Variants in THSD4 observed in about 807,000 individuals in gnomAD.
THSD4 encodes thrombospondin type-1 domain-containing protein 4.
Under a neutral mutation model 119.0 loss-of-function variants are expected in THSD4, and 69 were observed. The ratio of observed to expected loss-of-function variants is 0.58; its 90% CI spans 0.48 to 0.71. The LOEUF is 0.71. Among genes scored for constraint, THSD4 ranks in the 30% least tolerant of loss-of-function variants. The pLI is 0.00. For missense variants in THSD4, 1,393 were observed against 1,391.1 expected, an observed-to-expected ratio of 1.00 and a Z score of -0.02; for synonymous variants, 524 against 540.4, an observed-to-expected ratio of 0.97 and a Z score of 0.42.
At chr15:71,540,807 C>G (rs1190777464) in intron 7 of THSD4, among the ~76,000 whole-genome samples, 8 of 146,306 alleles carry the variant, frequency 5.5e-5, no homozygotes, top group Non-Finnish European at 1.0e-4. Context: ...ACTGCAACCT[C>G]TAACTCCTGG....
intron 7 of THSD4, among the ~76,000 whole-genome samples, chr15:71,520,684 C>T (rs1185965902): frequency 6.6e-6 from 1 of 152,170 alleles, no homozygotes; most frequent in Non-Finnish European, 1.5e-5. Flanking sequence ...ATATAGTATT[C>T]CTTCAATAAA....
intron 7 of THSD4, among the ~76,000 whole-genome samples, chr15:71,560,333 T>C (rs566566881): frequency 5.3e-4 from 80 of 152,342 alleles, no homozygotes; most frequent in African/African-American, 1.9e-3. Flanking sequence ...CAACCATGTA[T>C]TGAGTGCTAT....
At chr15:71,588,684 T>C (rs2049738732) in intron 7 of THSD4, among the ~76,000 whole-genome samples, 1 of 152,170 alleles carries the variant, frequency 6.6e-6, no homozygotes. Context: ...TCCACCCACC[T>C]TGGCCTTCCA....
chr15:71,265,616 C>T (rs2044455989), intron 6 of THSD4, among the ~76,000 whole-genome samples: 1 of 152,074 alleles, frequency 6.6e-6, no homozygotes, highest in African/African-American at 2.4e-5. Context: ...ACTGTTCACT[C>T]CCCTGGAAAG....
intron 7 of THSD4, among the ~76,000 whole-genome samples, chr15:71,469,924 A>G (rs1281979513): frequency 6.6e-6 from 1 of 152,234 alleles, no homozygotes; most frequent in South Asian, 2.1e-4. Context: ...AGGAATTCAT[A>G]CAATATAAAT....
intron 6 of THSD4, among the ~76,000 whole-genome samples, chr15:71,270,847 A>G (rs1353550237): frequency 2.2e-5 from 3 of 138,238 alleles, no homozygotes; most frequent in African/African-American, 5.4e-5. Context: ...TTTTTTTTTA[A>G]TGGCCATGTA....
At chr15:71,263,941 A>G (rs2140297046) in intron 6 of THSD4, among the ~76,000 whole-genome samples, 1 of 152,334 alleles carries the variant, frequency 6.6e-6, no homozygotes, top group Non-Finnish European at 1.5e-5. Flanking sequence ...TGTTTGCAAG[A>G]ATAGTAGATG....
chr15:71,728,400 G>T (rs1261099746), intron 8 of THSD4, 149 bp from the exon 9 acceptor site: 3 of 901,194 alleles, frequency 3.3e-6, no homozygotes, highest in Non-Finnish European at 5.0e-6. Flanking sequence ...GATGCCTAAT[G>T]GCGCCCCAGG....
chr15:71,105,051 C>T (rs1045129689), intron 1 of THSD4, among the ~76,000 whole-genome samples: 1 of 152,102 alleles, frequency 6.6e-6, no homozygotes, highest in Non-Finnish European at 1.5e-5. Flanking sequence ...GGGGATATAT[C>T]ACCTCCCTTT....
chr15:71,731,096 G>A (rs771571881), intron 9 of THSD4, 25 bp from the exon 10 acceptor site: 1 of 1,612,980 alleles, frequency 6.2e-7, no homozygotes, highest in Admixed American at 1.7e-5. Flanking sequence ...GCCAAGTGCG[G>A]TAACACTGAT....
intron 6 of THSD4, among the ~76,000 whole-genome samples, chr15:71,333,451 T>G (rs2045452598): frequency 2.0e-5 from 3 of 152,168 alleles, no homozygotes; most frequent in Admixed American, 6.5e-5. Flanking sequence ...GTGGGCCTCT[T>G]AGACTTTAGC....
chr15:71,097,756 CTT>C (rs1018615447), intron 1 of THSD4, among the ~76,000 whole-genome samples: 7 of 149,792 alleles, frequency 4.7e-5, no homozygotes, highest in African/African-American at 1.7e-4. Flanking sequence ...AAAGCAAACT[CTT>C]TCCTGATTCA....
chr15:71,292,984 C>T (rs1257332363), intron 6 of THSD4, among the ~76,000 whole-genome samples: 1 of 152,152 alleles, frequency 6.6e-6, no homozygotes, highest in Non-Finnish European at 1.5e-5. Context: ...CCAAATATAA[C>T]AGGACTTTTG....
chr15:71,685,855 G>A (rs1436066995), intron 8 of THSD4, among the ~76,000 whole-genome samples: 2 of 152,160 alleles, frequency 1.3e-5, no homozygotes, highest in Admixed American at 6.5e-5. Flanking sequence ...TAGCATCTTA[G>A]AGTTGTTATG....
chr15:71,263,963 A>T (rs1411744786), intron 6 of THSD4, among the ~76,000 whole-genome samples: 1 of 152,208 alleles, frequency 6.6e-6, no homozygotes, highest in Non-Finnish European at 1.5e-5. Flanking sequence ...TGCTCCAGGG[A>T]ATATTAAAGG....
At chr15:71,125,326 C>T (rs949055799) in intron 1 of THSD4, among the ~76,000 whole-genome samples, 1 of 152,042 alleles carries the variant, frequency 6.6e-6, no homozygotes, top group Non-Finnish European at 1.5e-5. Flanking sequence ...AGAGCATAGA[C>T]GGAGCACCAA....
At chr15:71,301,599 A>C (rs965385929) in intron 6 of THSD4, among the ~76,000 whole-genome samples, 1 of 152,212 alleles carries the variant, frequency 6.6e-6, no homozygotes, top group Non-Finnish European at 1.5e-5. Context: ...TGCCTTTTCC[A>C]AGATTCTCCT....
At chr15:71,368,128 G>A (rs932529389) in intron 6 of THSD4, among the ~76,000 whole-genome samples, 1 of 152,104 alleles carries the variant, frequency 6.6e-6, no homozygotes, top group Non-Finnish European at 1.5e-5. Context: ...TTTTGATGGG[G>A]TTGTTTGTTT....
chr15:71,584,451 T>A (rs768552364), intron 7 of THSD4, among the ~76,000 whole-genome samples: 1 of 140,622 alleles, frequency 7.1e-6, no homozygotes, highest in South Asian at 2.4e-4. Context: ...GTATTTTTAG[T>A]AGAGACAGGG....
Sources: gnomAD v4.1 joint callset for allele counts (sites outside exome capture counted in the v4.1 genomes callset) on GRCh38, gnomAD v4.1.1 for gene constraint, MANE v1.5 for transcripts, NCBI Gene and HGNC (gene_info 2026-07-23, HGNC 2026-07-21) for gene names.